Variants in UNC5C observed in about 807,000 individuals in gnomAD.
UNC5C encodes netrin receptor UNC5C.
UNC5C carries 47 observed loss-of-function variants against 99.8 expected under a neutral mutation model. The ratio of observed to expected loss-of-function variants is 0.47; its 90% CI spans 0.37 to 0.60. The LOEUF is 0.60. UNC5C is among the 20% of genes least tolerant of loss of function. The pLI is 0.00. For synonymous variants in UNC5C, 487 were observed against 452.2 expected (o/e 1.08, Z -0.98); for missense variants, 1,062 against 1,165.9 (o/e 0.91, Z 1.30).
At chr4:95,278,420 A>G in intron 3 of UNC5C, 58 bp from the exon 4 acceptor site, 3 of 1,428,886 alleles carry the variant, frequency 2.1e-6, no homozygotes, top group Non-Finnish European at 2.9e-6. Flanking sequence ...TCTCATTTAC[A>G]GAGAGTACAA....
chr4:95,244,925 A>G (rs2149379533), intron 6 of UNC5C, 52 bp downstream of exon 6: 7 of 1,602,542 alleles, frequency 4.4e-6, no homozygotes. Flanking sequence ...CTCTAAAAGC[A>G]TGTTTCTTGA....
Position 95,168,958 on chromosome 4 carries a change from T to TACC in UNC5C, c.*273_*275dup. On this transcript the variant is annotated 3_prime_UTR_variant, in exon 16 of 16. Transcript: ENST00000453304. The stretch of plus-strand genomic sequence containing the variant: ...TTTCCTAGGAAACTGTAAGATCCTG[T>TACC]ACCACACAGCATACAGCCCAACTAA... 1 of 403,958 alleles carries TACC rather than the reference T, an allele frequency of 2.5e-6. No homozygotes were observed. Among genetic ancestry groups the TACC allele is most frequent in the Admixed American group, 3.8e-5 (1 of 26,080 alleles). 25.0% of individuals were successfully genotyped at this position (403,958 alleles called of 1,614,324 possible).
intron 2 of UNC5C, among the ~76,000 whole-genome samples, chr4:95,327,362 C>CT (rs950754801): frequency 6.6e-6 from 1 of 151,976 alleles, no homozygotes; most frequent in African/African-American, 2.4e-5. Context: ...GTGGTATGGG[C>CT]TTTTTTTCAG....
At chr4:95,295,087 A>G (rs1741626157) in intron 3 of UNC5C, among the ~76,000 whole-genome samples, 2 of 152,154 alleles carry the variant, frequency 1.3e-5, no homozygotes, top group African/African-American at 4.8e-5. Context: ...ATTGTCAACA[A>G]TGGTAACATC....
At chr4:95,545,668 A>G (rs1374613357) in intron 1 of UNC5C, among the ~76,000 whole-genome samples, 1 of 152,224 alleles carries the variant, frequency 6.6e-6, no homozygotes, top group Non-Finnish European at 1.5e-5. Flanking sequence ...AGTTGGAGCT[A>G]GATAAGCAGC....
At chr4:95,309,496 C>T (rs1262712735) in intron 2 of UNC5C, among the ~76,000 whole-genome samples, 1 of 151,932 alleles carries the variant, frequency 6.6e-6, no homozygotes, top group Admixed American at 6.6e-5. Flanking sequence ...GAAGAGACAA[C>T]TTATGGAATG....
At chr4:95,297,550 A>AT (rs1389675857) in intron 3 of UNC5C, among the ~76,000 whole-genome samples, 2 of 152,192 alleles carry the variant, frequency 1.3e-5, no homozygotes, top group Non-Finnish European at 2.9e-5. Context: ...TGAAACACAA[A>AT]TTTTACGAGT....
intron 4 of UNC5C, among the ~76,000 whole-genome samples, chr4:95,272,528 A>G (rs1740698999): frequency 6.6e-6 from 1 of 152,250 alleles, no homozygotes; most frequent in Non-Finnish European, 1.5e-5. Context: ...TCAGAAAAAA[A>G]TATGGGATTT....
At chr4:95,358,148 G>T (rs981280187) in intron 1 of UNC5C, among the ~76,000 whole-genome samples, 4 of 152,018 alleles carry the variant, frequency 2.6e-5, no homozygotes, top group Non-Finnish European at 5.9e-5. Context: ...ATGTTTACAT[G>T]GTACCAAAAT....
At chr4:95,271,464 C>T (rs1264393178) in intron 4 of UNC5C, among the ~76,000 whole-genome samples, 21 of 152,088 alleles carry the variant, frequency 1.4e-4, no homozygotes, top group Admixed American at 6.5e-5. Context: ...CTCCTGACCT[C>T]GTGATCCGCC....
chr4:95,436,276 G>A (rs1323142442), intron 1 of UNC5C, among the ~76,000 whole-genome samples: 2 of 151,600 alleles, frequency 1.3e-5, no homozygotes, highest in African/African-American at 4.8e-5. Context: ...CTGAAATGGA[G>A]GAAGTACCCC....
chr4:95,438,924 C>A (rs1746867729), intron 1 of UNC5C, among the ~76,000 whole-genome samples: 1 of 152,106 alleles, frequency 6.6e-6, no homozygotes, highest in African/African-American at 2.4e-5. Flanking sequence ...TATCCATAAT[C>A]ATTGAGGAAA....
chr4:95,242,259 T>C (rs772258935), intron 7 of UNC5C, among the ~76,000 whole-genome samples, 170 bp downstream of exon 7: 15 of 152,226 alleles, frequency 9.9e-5, no homozygotes, highest in Non-Finnish European at 2.1e-4. Context: ...TTTATTCTGG[T>C]TCCTGGAAAA....
Position 95,491,200 on chromosome 4 carries a change from A to G in UNC5C, c.124+57534T>C, listed in dbSNP as rs115110293. Among the ~76,000 whole-genome samples the G allele has an allele frequency of 5.6e-3, 852 of 151,816 alleles. 5 individuals carry two copies. Among genetic ancestry groups the G allele is most frequent in the Middle Eastern group, 0.024 (7 of 294 alleles). On this transcript the variant is annotated intron_variant, in intron 1 of 15. Transcript: ENST00000453304. ...ATGACACAAGTAAGAAAATGTGAAC[A>G]TAGTAAATTGTTTAACTAGAGGCTG... is the stretch of plus-strand genomic sequence containing the variant.
chr4:95,536,938 C>T (rs1456073047), intron 1 of UNC5C, among the ~76,000 whole-genome samples: 1 of 152,088 alleles, frequency 6.6e-6, no homozygotes, highest in African/African-American at 2.4e-5. Flanking sequence ...TTACAATGGC[C>T]TGAACTGAAT....
At chr4:95,172,560 C>T (rs556156275) in intron 14 of UNC5C, among the ~76,000 whole-genome samples, 42 of 151,802 alleles carry the variant, frequency 2.8e-4, no homozygotes, top group African/African-American at 9.7e-4. Context: ...AGATATGCGG[C>T]GTTATTTCTG....
At chr4:95,507,685 T>C (rs540310132) in intron 1 of UNC5C, among the ~76,000 whole-genome samples, 2 of 152,112 alleles carry the variant, frequency 1.3e-5, no homozygotes, top group Admixed American at 6.6e-5. Context: ...TCTCTATGTA[T>C]AGCCATTTAT....
chr4:95,517,367 T>A (rs1433365571), intron 1 of UNC5C, among the ~76,000 whole-genome samples: 1 of 152,132 alleles, frequency 6.6e-6, no homozygotes, highest in African/African-American at 2.4e-5. Context: ...GGATTCAGGC[T>A]GACTATGCAT....
At chr4:95,400,912 A>T (rs907400465) in intron 1 of UNC5C, among the ~76,000 whole-genome samples, 1 of 152,222 alleles carries the variant, frequency 6.6e-6, no homozygotes, top group Non-Finnish European at 1.5e-5. Context: ...TGTGGTAAAT[A>T]TTACAGGGGA....
Sources: allele counts gnomAD v4.1 joint callset (sites outside exome capture counted in the v4.1 genomes callset), GRCh38; gene constraint gnomAD v4.1.1; transcripts MANE v1.5; gene names NCBI Gene and HGNC (gene_info 2026-07-23, HGNC 2026-07-21).